ZNF536: variants seen among roughly 807,000 people sequenced by gnomAD.
The protein encoded by ZNF536 is zinc finger protein 536.
ZNF536 carries 13 observed loss-of-function variants against 84.5 expected under a neutral mutation model. The observed-to-expected ratio is 0.15, with a 90% CI of 0.10 to 0.24. The LOEUF (loss-of-function observed/expected upper bound fraction) is 0.24, where lower values mean the gene tolerates loss of function less well. Among genes scored for constraint, ZNF536 ranks in the 10% least tolerant of loss-of-function variants. ZNF536 has a pLI of 1.00. For synonymous variants in ZNF536, 811 were observed against 742.5 expected, an observed-to-expected ratio of 1.09 and a Z score of -1.50; for missense variants, 1,536 against 1,747.5, an observed-to-expected ratio of 0.88 and a Z score of 2.16.
In ZNF536 at chr19:30,436,891, G is replaced by A. The variant is rs1345723208; in HGVS notation, c.-2-6670G>A. On this transcript the variant is annotated intron_variant, in intron 1 of 4. Transcript: ENST00000355537. ...TTGGAAACCCCCTTGCTGTGAACCC[G>A]AGTCCTAGACCCTGCAGAGTAACTT... 3.3e-5 allele frequency among the ~76,000 whole-genome samples: 5 copies of A among 152,234 alleles called. No homozygotes were observed. In the South Asian group the frequency reaches 8.3e-4, roughly 25 times the overall value.
In ZNF536 at chr19:30,676,030, T is replaced by A. The variant is rs375772087; in HGVS notation, c.170-34727T>A. ...GAGCCACTACATCAGGCTAATTTTT[T>A]AATTTTTTTTAATAGAGATGGGGTC... On this transcript the variant is annotated intron_variant, in intron 1 of 1. Transcript: ENST00000592773. Among the ~76,000 whole-genome samples the A allele has an allele frequency of 3.9e-4, 58 of 150,166 alleles. No individual in the cohort carries two copies. In the East Asian group the frequency reaches 7.5e-3, roughly 20 times the overall value.
At chr19:30,448,610 G>A (rs2052461726) in intron 2 of ZNF536, among the ~76,000 whole-genome samples, 1 of 152,126 alleles carries the variant, frequency 6.6e-6, no homozygotes, top group South Asian at 2.1e-4. Flanking sequence ...TTGAAAACTG[G>A]GTCAGTAGGG....
rs575895061 is a variant in ZNF536 at position 30,248,883 on chromosome 19, G to C, written c.-190+20210G>C. Among the ~76,000 whole-genome samples, 26 of 152,186 alleles carry C rather than the reference G, an allele frequency of 1.7e-4. No individual in the cohort carries two copies. The South Asian group carries it at 3.7e-3, about 22-fold the overall frequency. On this transcript the variant is annotated intron_variant, in intron 1 of 5. Coordinates refer to the ZNF536 transcript ENST00000585628. The stretch of plus-strand genomic sequence containing the variant: ...TTAGCACCCCTCCCCCAGAAGTTGG[G>C]TGACATTTTAAGGAGGAAGGACAAG...
chr19:30,389,192 C>A (rs953273250), intron 1 of ZNF536, among the ~76,000 whole-genome samples: 3 of 152,216 alleles, frequency 2.0e-5, no homozygotes, highest in Non-Finnish European at 1.5e-5. Context: ...AGGCCTGGTT[C>A]TCCAATTTCC....
chr19:30,485,655 G>A (rs2054276504), intron 2 of ZNF536, among the ~76,000 whole-genome samples: 1 of 150,000 alleles, frequency 6.7e-6, no homozygotes, highest in Non-Finnish European at 1.5e-5. Flanking sequence ...GGAATTCCGT[G>A]TAAAGGCTCT....
chr19:30,293,686 A>G (rs2045912483), intron 2 of ZNF536, among the ~76,000 whole-genome samples: 1 of 152,190 alleles, frequency 6.6e-6, no homozygotes, highest in South Asian at 2.1e-4. Flanking sequence ...TGCACAAAGG[A>G]AAGTACGATA....
chr19:30,677,382 GTGC>G (rs1399773534), intron 1 of ZNF536, among the ~76,000 whole-genome samples: 1 of 152,198 alleles, frequency 6.6e-6, no homozygotes, highest in Non-Finnish European at 1.5e-5. Context: ...CCTCTGAAAG[GTGC>G]CCTCCTGGCT....
rs777458781 is a variant in ZNF536, at chr19:30,444,151, C to A, written c.589C>A (p.Arg197Ser). The A allele has an allele frequency of 6.3e-7, 1 of 1,597,840 alleles. No homozygotes were observed. The change falls in exon 2 of 5, where the codon CGC becomes AGC. Residue 197 changes from arginine to serine, a missense_variant. By Grantham distance (110) the Arg-to-Ser change is moderately radical (BLOSUM62 -1). This residue lies in a region of ZNF536 where 138 missense variants were observed against 136.8 expected (regional missense o/e 1.01). Coordinates refer to ENST00000355537, the MANE Select transcript of ZNF536 (RefSeq NM_014717.3). ...KGRGRVREEN[R>S]LLHELEERAI... ...GCGTGGGCGTGTGCGCGAGGAGAAC[C>A]GCCTGCTGCACGAGCTGGAGGAGCG...
At position 30,272,682 on chromosome 19, in the gene ZNF536, A is replaced by G. The variant is rs139260373; in HGVS notation, c.-189-11390A>G. ...TTCGTATGACATGTAGTCTTTTAAC[A>G]TTGGCTTCTTTCACTTAGAAATATG... On this transcript the variant is annotated intron_variant, in intron 1 of 5. Transcript: ENST00000585628. Among the ~76,000 whole-genome samples the G allele has an allele frequency of 6.5e-3, 988 of 152,220 alleles. 12 individuals are homozygous for G. Among genetic ancestry groups the G allele is most frequent in the African/African-American group, 0.023 (948 of 41,516 alleles).
rs1159516981 is a variant in ZNF536 at position 30,548,179 on chromosome 19, C to T, written c.2560C>T (p.Pro854Ser). ...CCCTGGAATCGACTTCAGAGGAGGC[C>T]CTGCATCTCAGCAGTGGACATCAGG... ...GLPGIDFRGG[P>S]ASQQWTSGVL... The change falls in exon 4 of 5, where the codon CCT (proline) becomes TCT (serine). Residue 854 changes from proline to serine, a missense_variant. Physicochemically the swap from Pro to Ser is moderately conservative, Grantham distance 74. Transcript: ENST00000355537. 1 of 1,614,110 alleles carries T rather than the reference C, an allele frequency of 6.2e-7. No individual in the cohort carries two copies. Among genetic ancestry groups the T allele is most frequent in the East Asian group, 2.2e-5 (1 of 44,870 alleles).
chr19:30,480,838 C>G (rs1282339560), intron 2 of ZNF536, among the ~76,000 whole-genome samples: 2 of 152,142 alleles, frequency 1.3e-5, no homozygotes, highest in Non-Finnish European at 1.5e-5. Context: ...AAGTTCAAGA[C>G]CAGCCTGGCC....
chr19:30,295,645 C>T (rs2045973413), intron 2 of ZNF536, among the ~76,000 whole-genome samples: 1 of 152,116 alleles, frequency 6.6e-6, no homozygotes, highest in Admixed American at 6.5e-5. Context: ...GAGCTGGGGG[C>T]TCCAGGACAC....
At chr19:30,710,246 C>A (rs1394240019) in intron 1 of ZNF536, among the ~76,000 whole-genome samples, 1 of 152,090 alleles carries the variant, frequency 6.6e-6, no homozygotes, top group African/African-American at 2.4e-5. Flanking sequence ...AGTCTGGGTT[C>A]AAAACTCTAG....
rs556183667 is a variant in ZNF536, at chr19:30,317,773, T to C, written c.-120+33632T>C. Among the ~76,000 whole-genome samples, 8 of 152,340 alleles carry C rather than the reference T, an allele frequency of 5.3e-5. No homozygotes were observed. In the East Asian group the frequency reaches 1.5e-3, roughly 29 times the overall value. On this transcript the variant is annotated intron_variant, in intron 2 of 5. Coordinates refer to the ZNF536 transcript ENST00000585628. ...CAGAATTAAGAGCAGAAAGGTAACA[T>C]TTTAAGGCATTTCATCAATTCTTCT...
intron 2 of ZNF536, among the ~76,000 whole-genome samples, chr19:30,469,833 G>T (rs539065257): frequency 6.6e-6 from 1 of 152,140 alleles, no homozygotes; most frequent in African/African-American, 2.4e-5. Context: ...TGGAATCTCG[G>T]TGCAGGTTGT....
chr19:30,570,628 A>C (rs901928588), intron 1 of ZNF536, among the ~76,000 whole-genome samples: 5 of 152,188 alleles, frequency 3.3e-5, no homozygotes, highest in African/African-American at 1.2e-4. Context: ...TGAGAACTAT[A>C]TACAAACGTT....
chr19:30,343,630 A>G (rs759963263), intron 2 of ZNF536, among the ~76,000 whole-genome samples: 72 of 152,202 alleles, frequency 4.7e-4, no homozygotes, highest in Non-Finnish European at 1.3e-4. Context: ...GAAGATGTAT[A>G]TAGCATGTGC....
At chr19:30,637,596 AC>A (rs1426224742) in intron 1 of ZNF536, among the ~76,000 whole-genome samples, 1 of 152,220 alleles carries the variant, frequency 6.6e-6, no homozygotes, top group Non-Finnish European at 1.5e-5. Flanking sequence ...TTGTGGTCAG[AC>A]TTTTGGAGTT....
intron 1 of ZNF536, among the ~76,000 whole-genome samples, chr19:30,679,892 G>A (rs1291984194): frequency 6.6e-6 from 1 of 152,210 alleles, no homozygotes; most frequent in Non-Finnish European, 1.5e-5. Context: ...GGCCCACATC[G>A]GGAACTGGAG....
Sources: allele counts gnomAD v4.1 joint callset (sites outside exome capture counted in the v4.1 genomes callset), GRCh38; gene constraint gnomAD v4.1.1; regional missense constraint gnomAD v4.1.1; transcripts MANE v1.5; gene names NCBI Gene and HGNC (gene_info 2026-07-23, HGNC 2026-07-21).